PTCHD4: variants seen among roughly 807,000 people sequenced by gnomAD.
The protein encoded by PTCHD4 is patched domain containing 4.
A neutral mutation model predicts 58.1 loss-of-function variants in PTCHD4; 33 were observed. The ratio of observed to expected loss-of-function variants is 0.57; its 90% confidence interval spans 0.43 to 0.76. The LOEUF (loss-of-function observed/expected upper bound fraction) is 0.76. Among genes scored for constraint, PTCHD4 ranks in the 30% least tolerant of loss-of-function variants. PTCHD4 has a pLI of 0.00. For missense variants in PTCHD4, 1,058 were observed against 1,027.1 expected (o/e 1.03, Z -0.41); for synonymous variants, 478 against 409.6 (o/e 1.17, Z -2.02).
chr6:47,892,904 C>A (rs897403766), intron 4 of PTCHD4, among the ~76,000 whole-genome samples: 1 of 152,140 alleles, frequency 6.6e-6, no homozygotes, highest in Non-Finnish European at 1.5e-5. Context: ...ACCAGTTAAC[C>A]CAAAAGTTCA....
intron 4 of PTCHD4, among the ~76,000 whole-genome samples, chr6:47,889,510 T>TTTA (rs1764311590): frequency 6.6e-6 from 1 of 152,144 alleles, no homozygotes; most frequent in African/African-American, 2.4e-5. Flanking sequence ...GGGTTGTTTT[T>TTTA]TTCTTGTAAA....
At chr6:48,060,146 A>G (rs1170599338) in intron 3 of PTCHD4, among the ~76,000 whole-genome samples, 1 of 152,202 alleles carries the variant, frequency 6.6e-6, no homozygotes, top group Non-Finnish European at 1.5e-5. Flanking sequence ...GTGACTTAGC[A>G]GACACAAAAG....
At chr6:48,005,288 A>G (rs771299664) in intron 4 of PTCHD4, among the ~76,000 whole-genome samples, 9 of 152,210 alleles carry the variant, frequency 5.9e-5, no homozygotes, top group Non-Finnish European at 1.3e-4. Context: ...CAGGGATGAT[A>G]CTGATAAGCA....
In PTCHD4 at chr6:47,867,044, T is replaced by C. The variant is rs1311669617; in HGVS notation, c.*11259A>G. Among the ~76,000 whole-genome samples, 2 of 151,868 alleles carry C rather than the reference T, an allele frequency of 1.3e-5. No homozygotes were observed. The highest frequency in any genetic ancestry group is 4.8e-5 in the African/African-American group (2 of 41,404). On this transcript the variant is annotated 3_prime_UTR_variant, in exon 5 of 5. Coordinates refer to ENST00000339488, the MANE Select transcript of PTCHD4 (RefSeq NM_001384253.1). Reference sequence around the variant, plus strand: ...ATATTTTACCATAGGGACATAGTACTTGTTTACAATGTTTTCTTTCTGGGA... The same window carrying C: ...ATATTTTACCATAGGGACATAGTACCTGTTTACAATGTTTTCTTTCTGGGA...
At chr6:47,996,164 A>C (rs909558615) in intron 4 of PTCHD4, among the ~76,000 whole-genome samples, 1 of 152,130 alleles carries the variant, frequency 6.6e-6, no homozygotes, top group Non-Finnish European at 1.5e-5. Flanking sequence ...AGCAAAGTGC[A>C]TGGTCAGAAT....
At chr6:47,963,134 A>T (rs143510070) in intron 4 of PTCHD4, among the ~76,000 whole-genome samples, 291 of 152,194 alleles carry the variant, frequency 1.9e-3, no homozygotes, top group Middle Eastern at 6.8e-3. Context: ...ATCTCAAAAA[A>T]ATAAATAAGT....
chr6:47,980,363 T>C (rs967941658), intron 4 of PTCHD4, among the ~76,000 whole-genome samples: 1 of 148,030 alleles, frequency 6.8e-6, no homozygotes, highest in Non-Finnish European at 1.5e-5. Flanking sequence ...GTTTCACTCA[T>C]TGCTTCTTCA....
Position 48,070,149 on chromosome 6 carries a change from GTGTGTGTA to G in PTCHD4, c.-969-231_-969-224del, listed in dbSNP as rs1368197211. Reference sequence around the variant, plus strand: ...TGTGTGTGTGTGTGTGTGTGTGTGTGTGTGTGTATATATATATATGAATTTTTTAGGGC... The same window carrying G: ...TGTGTGTGTGTGTGTGTGTGTGTGTGTATATATATATGAATTTTTTAGGGC... On this transcript the variant is annotated intron_variant, in intron 1 of 4. Coordinates refer to ENST00000339488, the MANE Select transcript of PTCHD4 (RefSeq NM_001384253.1). Among the ~76,000 whole-genome samples, 270 of 147,542 alleles carry G rather than the reference GTGTGTGTA, an allele frequency of 1.8e-3. 5 individuals are homozygous for G. In the South Asian group the frequency reaches 0.036, roughly 20 times the overall value.
intron 4 of PTCHD4, among the ~76,000 whole-genome samples, chr6:47,926,479 C>T (rs2113896420): frequency 6.6e-6 from 1 of 152,294 alleles, no homozygotes; most frequent in South Asian, 2.1e-4. Context: ...GGATAAGCAG[C>T]ATCAGCTTGA....
intron 1 of PTCHD4, among the ~76,000 whole-genome samples, chr6:48,106,933 G>A (rs868255398): frequency 2.2e-4 from 34 of 152,124 alleles, no homozygotes; most frequent in African/African-American, 7.7e-4. Flanking sequence ...ACAAACGACT[G>A]CTCAATGAAA....
intron 4 of PTCHD4, among the ~76,000 whole-genome samples, chr6:47,893,829 T>C (rs1038278091): frequency 6.6e-6 from 1 of 152,236 alleles, no homozygotes; most frequent in African/African-American, 2.4e-5. Flanking sequence ...TCTCTGATTA[T>C]TTTGAAATTT....
intron 4 of PTCHD4, among the ~76,000 whole-genome samples, chr6:47,925,567 A>C (rs1202244045): frequency 6.6e-6 from 1 of 152,164 alleles, no homozygotes. Context: ...TTTCTTTCTG[A>C]CTTGCTGCAA....
At chr6:48,110,395 CACTT>C (rs1765840539) in intron 1 of PTCHD4, among the ~76,000 whole-genome samples, 1 of 151,926 alleles carries the variant, frequency 6.6e-6, no homozygotes, top group African/African-American at 2.4e-5. Flanking sequence ...TGCATAATCT[CACTT>C]ACACACAGAT....
chr6:48,017,248 T>G (rs1275903977), intron 3 of PTCHD4, among the ~76,000 whole-genome samples: 2 of 152,110 alleles, frequency 1.3e-5, no homozygotes, highest in Non-Finnish European at 2.9e-5. Context: ...ACTTCATATT[T>G]AGTAGAAATG....
rs1344482067 is a variant in PTCHD4 at position 47,873,897 on chromosome 6, T to C, written c.*4406A>G. 6.6e-6 allele frequency among the ~76,000 whole-genome samples: 1 copy of C among 151,716 alleles called. No individual in the cohort carries two copies. The highest frequency in any genetic ancestry group is 1.5e-5 in the Non-Finnish European group (1 of 67,770). ...AAGGGAAGAAAAGTGCTTCTGAGGC[T>C]CTTTTGGAATAAGTAACAGTTTTCA... On this transcript the variant is annotated 3_prime_UTR_variant, in exon 5 of 5. Transcript: ENST00000339488.
intron 3 of PTCHD4, among the ~76,000 whole-genome samples, chr6:48,026,900 TA>T (rs1225393837): frequency 3.0e-5 from 4 of 134,804 alleles, no homozygotes; most frequent in African/African-American, 8.3e-5. Context: ...ATTGAGTACA[TA>T]ACCTCAATTT....
intron 4 of PTCHD4, among the ~76,000 whole-genome samples, chr6:47,943,378 A>T (rs1170397204): frequency 1.3e-5 from 2 of 152,130 alleles, no homozygotes; most frequent in Non-Finnish European, 2.9e-5. Context: ...ATCATTCAGT[A>T]ATTCAACAGA....
At chr6:47,885,869 A>G (rs1291396948) in intron 4 of PTCHD4, among the ~76,000 whole-genome samples, 2 of 152,158 alleles carry the variant, frequency 1.3e-5, no homozygotes, top group African/African-American at 4.8e-5. Context: ...CCCAGGCCAT[A>G]GTGCGGTGGC....
rs567786239 is a variant in PTCHD4 at position 48,059,302 on chromosome 6, C to T, written c.417+8928G>A. ...GTATTATGAGCTGATTTAATACACT[C>T]AATACTGTAAGGTAAGGGCTATTAT... On this transcript the variant is annotated intron_variant, in intron 3 of 4. Transcript: ENST00000339488. 7.9e-5 allele frequency among the ~76,000 whole-genome samples: 12 copies of T among 152,196 alleles called. 1 individual carries two copies. In the South Asian group the frequency reaches 2.5e-3, roughly 32 times the overall value.
Sources: allele counts gnomAD v4.1 joint callset (sites outside exome capture counted in the v4.1 genomes callset), GRCh38; gene constraint gnomAD v4.1.1; transcripts MANE v1.5; gene names NCBI Gene and HGNC (gene_info 2026-07-23, HGNC 2026-07-21).